CDH13: variants seen among roughly 807,000 people sequenced by gnomAD.
CDH13 encodes the protein cadherin-13.
In CDH13, 24 loss-of-function variants were observed where a neutral mutation model predicts 63.8. That is an observed-to-expected ratio of 0.38 (90% CI 0.27 to 0.53). The LOEUF is 0.53. Ranked by LOEUF, CDH13 falls within the 20% of genes least tolerant of loss-of-function variation. The probability of loss-of-function intolerance (pLI) is 0.85; values close to 1 mark genes in which losing one functional copy is unlikely to be tolerated. For synonymous variants in CDH13, 503 were observed against 355.3 expected (o/e 1.42, Z -4.67); for missense variants, 1,049 against 903.1 (o/e 1.16, Z -2.07).
chr16:83,216,423 T>TAA lies in CDH13; in HGVS notation c.484-921_484-920insAA, dbSNP rs1447094302. On this transcript the variant is annotated intron_variant, in intron 4 of 13. Coordinates refer to ENST00000567109, the MANE Select transcript of CDH13 (RefSeq NM_001257.5). ...ATATATATATATATATATATATATATATATATATATATATATATATACACA... is the reference window on the plus strand; with the variant it reads ...ATATATATATATATATATATATATATAAATATATATATATATATATATACACA... 2.0e-3 allele frequency among the ~76,000 whole-genome samples: 197 copies of TAA among 100,878 alleles called. 11 individuals carry two copies. The highest frequency in any genetic ancestry group is 6.9e-3 in the African/African-American group (192 of 27,636). 66.2% of individuals were successfully genotyped at this position (100,878 alleles called of 152,430 possible). A position where few individuals can be genotyped will look rare whatever the true frequency, so the allele number is the denominator to read the frequency against.
chr16:83,183,088 A>T (rs989953434), intron 4 of CDH13, among the ~76,000 whole-genome samples: 4 of 152,222 alleles, frequency 2.6e-5, no homozygotes, highest in South Asian at 4.1e-4. Context: ...TTTTATTATT[A>T]TAAACAGACT....
chr16:82,654,142 G>A (rs1028752050), intron 1 of CDH13, among the ~76,000 whole-genome samples: 2 of 152,170 alleles, frequency 1.3e-5, no homozygotes, highest in Non-Finnish European at 2.9e-5. Context: ...CAGCCAGTGG[G>A]GGAGGTCCTG....
chr16:83,741,190 T>A (rs915141441), intron 10 of CDH13, among the ~76,000 whole-genome samples: 6 of 152,198 alleles, frequency 3.9e-5, no homozygotes, highest in African/African-American at 1.4e-4. Flanking sequence ...AATATGCCCT[T>A]TACTTTACAC....
chr16:82,924,268 C>G (rs2042239857), intron 2 of CDH13, among the ~76,000 whole-genome samples: 1 of 127,204 alleles, frequency 7.9e-6, no homozygotes, highest in African/African-American at 2.7e-5. Context: ...TATGATAATG[C>G]TGAATAGCAG....
At chr16:83,061,587 A>G (rs1042612912) in intron 3 of CDH13, among the ~76,000 whole-genome samples, 8 of 152,194 alleles carry the variant, frequency 5.3e-5, no homozygotes, top group Non-Finnish European at 1.2e-4. Flanking sequence ...CCAGCAGCAG[A>G]GGATTCAGGG....
intron 1 of CDH13, among the ~76,000 whole-genome samples, chr16:82,714,714 A>G (rs1437859487): frequency 2.0e-4 from 2 of 9,762 alleles, no homozygotes; most frequent in East Asian, 0.013. Context: ...ACTCCATCTA[A>G]AAAAAAAAAA....
chr16:83,442,983 T>C (rs2072525818), intron 6 of CDH13, among the ~76,000 whole-genome samples: 2 of 152,226 alleles, frequency 1.3e-5, no homozygotes, highest in Admixed American at 1.3e-4. Context: ...CTGAATTATT[T>C]AGTGAGATTG....
At chr16:83,509,164 T>C (rs75228589) in intron 7 of CDH13, among the ~76,000 whole-genome samples, 1,824 of 152,318 alleles carry the variant, frequency 0.012, 51 homozygotes, top group African/African-American at 0.042. Context: ...CCTCAGAGTT[T>C]CAAAGATGTA....
At chr16:83,603,346 A>G (rs1908026933) in intron 8 of CDH13, among the ~76,000 whole-genome samples, 1 of 152,222 alleles carries the variant, frequency 6.6e-6, no homozygotes, top group Admixed American at 6.5e-5. Flanking sequence ...ATGGCCCCTG[A>G]CTTTTGCAGA....
rs1277124354 is a variant in CDH13 at position 83,356,211 on chromosome 16, CATGTGTGT to C, written c.781+11206_781+11213del. The stretch of plus-strand genomic sequence containing the variant: ...ACAGATGAGTGAGTTTATTTATTTT[CATGTGTGT>C]GTGTGTGTGTGTGTGTGTGTGTGTG... On this transcript the variant is annotated intron_variant, in intron 6 of 13. Coordinates refer to ENST00000567109, the MANE Select transcript of CDH13 (RefSeq NM_001257.5). Among the ~76,000 whole-genome samples, 262 of 60,782 alleles carry C rather than the reference CATGTGTGT, an allele frequency of 4.3e-3. 3 individuals are homozygous for C. Among genetic ancestry groups the C allele is most frequent in the South Asian group, 0.028 (51 of 1,802 alleles). The allele number at this position is 60,782 out of a possible 152,430, so 39.9% of individuals were successfully genotyped here.
intron 11 of CDH13, among the ~76,000 whole-genome samples, chr16:83,767,757 C>G (rs1225628306): frequency 6.6e-6 from 1 of 152,140 alleles, no homozygotes; most frequent in African/African-American, 2.4e-5. Context: ...AAAAAACTAC[C>G]TACTATATGA....
Position 83,192,386 on chromosome 16 carries a change from G to T in CDH13, c.484-24959G>T, listed in dbSNP as rs115788575. ...AAAGGGTCTTCTCCTGCCTTGAGCC[G>T]TTCAGAGTTGTGGCCTTTGGAAGAC... On this transcript the variant is annotated intron_variant, in intron 4 of 13. Transcript: ENST00000567109. Among the ~76,000 whole-genome samples, 1,277 of 152,254 alleles carry T rather than the reference G, an allele frequency of 8.4e-3. 15 individuals carry two copies. Among genetic ancestry groups the T allele is most frequent in the African/African-American group, 0.029 (1,196 of 41,542 alleles).
intron 6 of CDH13, among the ~76,000 whole-genome samples, chr16:83,369,440 A>C (rs1304721549): frequency 1.3e-5 from 2 of 151,706 alleles, no homozygotes; most frequent in Admixed American, 6.6e-5. Flanking sequence ...TGTTTTTTTG[A>C]GCTGGGGTCT....
intron 1 of CDH13, among the ~76,000 whole-genome samples, chr16:82,634,485 C>T (rs986333184): frequency 3.9e-5 from 6 of 152,152 alleles, no homozygotes; most frequent in African/African-American, 9.7e-5. Flanking sequence ...TGCCATCAGC[C>T]GTCGGGCATC....
chr16:82,750,787 T>C (rs2034381859), intron 1 of CDH13, among the ~76,000 whole-genome samples: 2 of 152,136 alleles, frequency 1.3e-5, no homozygotes, highest in Non-Finnish European at 2.9e-5. Flanking sequence ...GCTGATTTTT[T>C]TTTTCCCAAC....
chr16:83,606,051 A>C (rs1396226361), intron 8 of CDH13, among the ~76,000 whole-genome samples: 3 of 152,212 alleles, frequency 2.0e-5, no homozygotes, highest in Admixed American at 1.3e-4. Context: ...AGAGGTAGGA[A>C]AACAGGATGC....
chr16:83,418,698 G>C (rs922221893), intron 6 of CDH13, among the ~76,000 whole-genome samples: 2 of 152,188 alleles, frequency 1.3e-5, no homozygotes, highest in South Asian at 4.1e-4. Flanking sequence ...CAAAGAGAGA[G>C]AGAGAGAGAC....
In CDH13 at chr16:82,714,813, A is replaced by T. The variant is rs1337877659; in HGVS notation, c.45+87676A>T. Among the ~76,000 whole-genome samples the T allele has an allele frequency of 2.1e-5, 3 of 144,806 alleles. No individual in the cohort carries two copies. The East Asian group carries it at 6.2e-4, about 30-fold the overall frequency. The allele number at this position is 144,806 out of a possible 152,430, so 95.0% of individuals were successfully genotyped here. A position where few individuals can be genotyped will look rare whatever the true frequency, so the allele number is the denominator to read the frequency against. ...GGGTGACGCAGCTACAATTCAAGGGACACCAAAACTGCCAGCAATGACCAG... is the reference window on the plus strand; with the variant it reads ...GGGTGACGCAGCTACAATTCAAGGGTCACCAAAACTGCCAGCAATGACCAG... On this transcript the variant is annotated intron_variant, in intron 1 of 13. Transcript: ENST00000567109.
chr16:83,646,247 C>G (rs1007001522), intron 8 of CDH13, among the ~76,000 whole-genome samples: 9 of 152,220 alleles, frequency 5.9e-5, no homozygotes, highest in African/African-American at 2.2e-4. Context: ...AGTTTCCTCA[C>G]CTGTAATTTG....
Sources: allele counts gnomAD v4.1 joint callset (sites outside exome capture counted in the v4.1 genomes callset), GRCh38; gene constraint gnomAD v4.1.1; transcripts MANE v1.5; gene names NCBI Gene and HGNC (gene_info 2026-07-23, HGNC 2026-07-21).